Variants in GABRG3 observed in about 807,000 individuals in gnomAD.
GABRG3 encodes gamma-aminobutyric acid type A receptor subunit gamma3.
GABRG3 carries 25 observed loss-of-function variants against 48.8 expected under a neutral mutation model. That is an observed-to-expected ratio of 0.51 (90% CI 0.37 to 0.72). The LOEUF (loss-of-function observed/expected upper bound fraction) is 0.72. GABRG3 is among the 30% of genes least tolerant of loss of function. The probability of loss-of-function intolerance (pLI) is 0.00; values close to 1 mark genes in which losing one functional copy is unlikely to be tolerated. For missense variants in GABRG3, 394 were observed against 577.9 expected, an observed-to-expected ratio of 0.68 and a Z score of 3.26; for synonymous variants, 227 against 217.6, an observed-to-expected ratio of 1.04 and a Z score of -0.38.
intron 3 of GABRG3, among the ~76,000 whole-genome samples, chr15:27,129,166 T>G (rs1322813032): frequency 6.6e-6 from 1 of 152,194 alleles, no homozygotes; most frequent in East Asian, 1.9e-4. Flanking sequence ...AAAGAAATTT[T>G]CATCTTCTAA....
intron 5 of GABRG3, among the ~76,000 whole-genome samples, chr15:27,462,109 G>A (rs1300361708): frequency 1.3e-5 from 2 of 151,958 alleles, no homozygotes; most frequent in Non-Finnish European, 2.9e-5. Flanking sequence ...CTTGCTCACC[G>A]TCTTTGATGG....
At chr15:27,154,540 T>C (rs1898382741) in intron 3 of GABRG3, among the ~76,000 whole-genome samples, 1 of 152,190 alleles carries the variant, frequency 6.6e-6, no homozygotes, top group African/African-American at 2.4e-5. Flanking sequence ...TTACTAAGAA[T>C]GGGTGTTGCA....
chr15:27,307,357 A>T (rs528761514), intron 3 of GABRG3, among the ~76,000 whole-genome samples: 1 of 115,060 alleles, frequency 8.7e-6, no homozygotes, highest in Admixed American at 9.5e-5. Flanking sequence ...ATATGTTTAT[A>T]TATAACCATA....
chr15:27,404,088 G>T (rs79353778), intron 5 of GABRG3, among the ~76,000 whole-genome samples: 7,931 of 152,036 alleles, frequency 0.052, 691 homozygotes, highest in African/African-American at 0.18. Context: ...ACGTGTGGTG[G>T]CAGGTGCCTG....
chr15:27,516,829 A>G (rs1000072399), intron 6 of GABRG3, among the ~76,000 whole-genome samples: 8 of 152,246 alleles, frequency 5.3e-5, no homozygotes, highest in Non-Finnish European at 8.8e-5. Context: ...TTTTATTTCT[A>G]TGTTTAATGC....
chr15:27,309,041 T>C (rs1566775578), intron 3 of GABRG3, among the ~76,000 whole-genome samples: 1 of 137,008 alleles, frequency 7.3e-6, no homozygotes, highest in Non-Finnish European at 1.5e-5. Context: ...AATGTAAACA[T>C]ATGTTTATAT....
At chr15:27,480,388 A>G (rs1017019537) in intron 5 of GABRG3, among the ~76,000 whole-genome samples, 3 of 152,138 alleles carry the variant, frequency 2.0e-5, no homozygotes, top group African/African-American at 4.8e-5. Flanking sequence ...GAAGAAATGA[A>G]GACACCACTC....
At chr15:27,068,078 T>A (rs1035795814) in intron 3 of GABRG3, among the ~76,000 whole-genome samples, 1 of 152,180 alleles carries the variant, frequency 6.6e-6, no homozygotes, top group Non-Finnish European at 1.5e-5. Context: ...CATGGCTCAA[T>A]GGATGGCAGA....
chr15:27,138,624 G>T (rs1467499968), intron 3 of GABRG3, among the ~76,000 whole-genome samples: 2 of 152,124 alleles, frequency 1.3e-5, no homozygotes, highest in East Asian at 3.9e-4. Flanking sequence ...GCCTTCATCT[G>T]GACACCTTTC....
chr15:27,363,717 C>T (rs1242445326), intron 5 of GABRG3: 1 of 152,184 alleles, frequency 6.6e-6, no homozygotes, highest in Admixed American at 6.5e-5. Context: ...TTTCTCCCCT[C>T]CCCTCTGCAC....
At chr15:27,481,880 A>T (rs1280303564) in intron 6 of GABRG3, among the ~76,000 whole-genome samples, 1 of 152,168 alleles carries the variant, frequency 6.6e-6, no homozygotes, top group African/African-American at 2.4e-5. Context: ...CTACCTTAGT[A>T]ATGTAATTCC....
At chr15:27,359,733 G>A (rs918849097) in intron 5 of GABRG3, among the ~76,000 whole-genome samples, 1 of 152,148 alleles carries the variant, frequency 6.6e-6, no homozygotes, top group African/African-American at 2.4e-5. Flanking sequence ...GGCATGTTGC[G>A]GTTTTTGAAC....
intron 3 of GABRG3, among the ~76,000 whole-genome samples, chr15:27,288,250 CA>C (rs202201507): frequency 0.024 from 3,612 of 151,978 alleles, 135 homozygotes; most frequent in African/African-American, 0.082. Flanking sequence ...TTCCACAGAC[CA>C]GGGGGCAAGG....
At chr15:27,246,913 C>A (rs1054016943) in intron 3 of GABRG3, among the ~76,000 whole-genome samples, 3 of 152,116 alleles carry the variant, frequency 2.0e-5, no homozygotes, top group South Asian at 4.2e-4. Flanking sequence ...TTGATGATTG[C>A]GTGTGTTGCA....
intron 3 of GABRG3, among the ~76,000 whole-genome samples, chr15:27,185,417 G>A (rs980711361): frequency 6.6e-6 from 1 of 152,020 alleles, no homozygotes; most frequent in African/African-American, 2.4e-5. Context: ...TGTGTTTTCA[G>A]TTACTTTAAA....
At chr15:27,007,493 C>T (rs898531625) in intron 2 of GABRG3, among the ~76,000 whole-genome samples, 2 of 152,212 alleles carry the variant, frequency 1.3e-5, no homozygotes. Context: ...AATCACCATA[C>T]TACTTTCCAC....
chr15:27,053,222 G>A (rs1341635711), intron 3 of GABRG3, among the ~76,000 whole-genome samples: 1 of 152,172 alleles, frequency 6.6e-6, no homozygotes, highest in East Asian at 1.9e-4. Context: ...CCCACAGAAT[G>A]GGAGAAAATA....
rs113180007 is a variant in GABRG3, at chr15:27,512,991, C to G, written c.713-6981C>G. On this transcript the variant is annotated intron_variant, in intron 6 of 9. Coordinates refer to ENST00000615808, the MANE Select transcript of GABRG3 (RefSeq NM_033223.5). ...ATATTAAGAACATTCCAAACAAATA[C>G]TTCCCTATGATCTTGGACCAAGTGA... 2.4e-3 allele frequency among the ~76,000 whole-genome samples: 358 copies of G among 152,224 alleles called. 2 individuals carry two copies. The highest frequency in any genetic ancestry group is 7.5e-3 in the African/African-American group (310 of 41,538).
At chr15:27,410,698 A>T (rs1033381234) in intron 5 of GABRG3, among the ~76,000 whole-genome samples, 40 of 152,070 alleles carry the variant, frequency 2.6e-4, no homozygotes, top group Non-Finnish European at 1.0e-4. Context: ...TCTCAGTTTT[A>T]GTTTATCTGA....
Sources: allele counts gnomAD v4.1 joint callset (sites outside exome capture counted in the v4.1 genomes callset), GRCh38; gene constraint gnomAD v4.1.1; transcripts MANE v1.5; gene names NCBI Gene and HGNC (gene_info 2026-07-23, HGNC 2026-07-21).